Variants in TMEM106A observed in about 807,000 individuals in gnomAD.
TMEM106A encodes the protein transmembrane protein 106A.
TMEM106A carries 22 observed loss-of-function variants against 25.1 expected under a neutral mutation model. The ratio of observed to expected loss-of-function variants is 0.88; its 90% CI spans 0.63 to 1.25. TMEM106A has a LOEUF of 1.25. TMEM106A is among the 50% of genes most tolerant of loss of function. The pLI is 0.00. For missense variants in TMEM106A, 275 were observed against 318.1 expected (o/e 0.86, Z 1.03); for synonymous variants, 104 against 129.9 (o/e 0.80, Z 1.35).
chr17:43,213,236 T>C lies in TMEM106A; in HGVS notation c.195T>C (p.Ser65=). The change falls in exon 3 of 9, where the codon AGT becomes AGC. Residue 65 remains serine (S), a synonymous_variant. Coordinates refer to ENST00000612339, the MANE Select transcript of TMEM106A (RefSeq NM_145041.4). The part of the protein sequence containing the change: ...SFVTCPTCQG[S]GKIPQELEKQ... ...TGACTTGTCCCACCTGCCAGGGCAG[T>C]GGCAAGATTCCCCAAGGTGAGTGGC... 1.2e-6 allele frequency: 2 copies of C among 1,614,150 alleles called. No homozygotes were observed. Among genetic ancestry groups the C allele is most frequent in the Non-Finnish European group, 1.7e-6 (2 of 1,180,020 alleles).
At position 43,216,586 on chromosome 17, in the gene TMEM106A, A is replaced by G; in HGVS notation, c.567A>G (p.Glu189=). 1 of 1,614,178 alleles carries G rather than the reference A, an allele frequency of 6.2e-7. No homozygotes were observed. The change falls in exon 6 of 9, where the codon GAA becomes GAG. Residue 189 remains glutamate, a synonymous_variant. Coordinates refer to ENST00000612339, the MANE Select transcript of TMEM106A (RefSeq NM_145041.4). ...LLLHIGPLAS[E]QMFYAVATKI... is the part of the protein sequence containing the mutation. ...TACACATTGGCCCTTTGGCCAGTGA[A>G]CAGGTGACTCCCCTCTCCCTGGCCA...
At chr17:43,214,959 GAA>G (rs538770111) in intron 4 of TMEM106A, among the ~76,000 whole-genome samples, 1 of 73,878 alleles carries the variant, frequency 1.4e-5, no homozygotes, top group Non-Finnish European at 2.6e-5. Flanking sequence ...GGCCTCATCT[GAA>G]AAAAAAAAAA....
In TMEM106A at chr17:43,213,236, T is replaced by G. The variant is rs1239034133; in HGVS notation, c.195T>G (p.Ser65Arg). 1 of 1,614,150 alleles carries G rather than the reference T, an allele frequency of 6.2e-7. No homozygotes were observed. The highest frequency in any genetic ancestry group is 1.7e-5 in the Admixed American group (1 of 60,018). ...TGACTTGTCCCACCTGCCAGGGCAGTGGCAAGATTCCCCAAGGTGAGTGGC... is the reference window on the plus strand; with the variant it reads ...TGACTTGTCCCACCTGCCAGGGCAGGGGCAAGATTCCCCAAGGTGAGTGGC... ...SFVTCPTCQG[S>R]GKIPQELEKQ... is the part of the protein sequence containing the mutation. The change falls in exon 3 of 9, where the codon AGT becomes AGG. Residue 65 changes from serine (S) to arginine (R), a missense_variant. Transcript: ENST00000612339.
In TMEM106A at chr17:43,217,703, C is replaced by G; in HGVS notation, c.691C>G (p.Leu231Val). Reference protein sequence around the residue: ...HIQGTLTCSYLSHSEQLVFQS... With the variant: ...HIQGTLTCSYVSHSEQLVFQS... ...CAGGGGCACCCTGACCTGTTCATAC[C>G]TGAGCCATTCAGAGCAGCTGGTCTT... Residue 231 changes from leucine to valine, a missense_variant, in exon 9 of 9, where the codon CTG becomes GTG. Leu to Val is a conservative substitution (Grantham distance 32). Transcript: ENST00000612339. 6.2e-7 allele frequency: 1 copy of G among 1,614,212 alleles called. No homozygotes were observed.
In TMEM106A at chr17:43,211,907, C is replaced by G. The variant is rs1284184403; in HGVS notation, c.-205C>G. 1 of 152,318 alleles carries G rather than the reference C, an allele frequency of 6.6e-6. No homozygotes were observed. The highest frequency in any genetic ancestry group is 2.4e-5 in the African/African-American group (1 of 41,446). 9.4% of individuals were successfully genotyped at this position (152,318 alleles called of 1,614,324 possible). ...ATTCCACTCTCTTCCGTTTCTGTCG[C>G]TGCAGTCGTCCGCGGGTAAGGCCCT... On this transcript the variant is annotated 5_prime_UTR_variant, in exon 1 of 9. Coordinates refer to ENST00000612339, the MANE Select transcript of TMEM106A (RefSeq NM_145041.4).
chr17:43,213,915 C>G (rs369690629), intron 4 of TMEM106A, 24 bp downstream of exon 4: 21 of 1,613,258 alleles, frequency 1.3e-5, no homozygotes, highest in Non-Finnish European at 1.7e-5. Context: ...CCTCCCCTAG[C>G]TTCACAAGCC....
rs1423127812 is a variant in TMEM106A at position 43,219,338 on chromosome 17, C to CT, written c.*1538dup. 6.6e-6 allele frequency: 1 copy of CT among 152,160 alleles called. No individual in the cohort carries two copies. The highest frequency in any genetic ancestry group is 1.5e-5 in the Non-Finnish European group (1 of 68,034). 9.4% of individuals were successfully genotyped at this position (152,160 alleles called of 1,614,324 possible). A position where few individuals can be genotyped will look rare whatever the true frequency, so the allele number is the denominator to read the frequency against. Reference sequence around the variant, plus strand: ...AGACCCTCCCTTTCCTGTCACTTAGCTGGAGCTAAGCTCCAGATAACCCCT... The same window carrying CT: ...AGACCCTCCCTTTCCTGTCACTTAGCTTGGAGCTAAGCTCCAGATAACCCCT... On this transcript the variant is annotated 3_prime_UTR_variant, in exon 9 of 9. Coordinates refer to ENST00000612339, the MANE Select transcript of TMEM106A (RefSeq NM_145041.4).
At chr17:43,213,401 C>G (rs2057455187) in intron 3 of TMEM106A, 149 bp downstream of exon 3, 4 of 800,652 alleles carry the variant, frequency 5.0e-6, no homozygotes, top group Non-Finnish European at 7.9e-6. Context: ...CAGGGAGATA[C>G]TTAACTATCC....
At position 43,218,004 on chromosome 17, in the gene TMEM106A, C is replaced by T. The variant is rs1457964441; in HGVS notation, c.*203C>T. 1 of 701,536 alleles carries T rather than the reference C, an allele frequency of 1.4e-6. No homozygotes were observed. The highest frequency in any genetic ancestry group is 1.8e-5 in the African/African-American group (1 of 54,960). 43.5% of individuals were successfully genotyped at this position (701,536 alleles called of 1,614,324 possible). A position where few individuals can be genotyped will look rare whatever the true frequency, so the allele number is the denominator to read the frequency against. ...ACACACTCATATCCTCCAGTTTCCC[C>T]CAGATTCTTTCAGGGGCTGCCATCA... On this transcript the variant is annotated 3_prime_UTR_variant, in exon 9 of 9. Transcript: ENST00000612339.
At chr17:43,217,335 G>A (rs1282437488) in intron 8 of TMEM106A, 23 bp downstream of exon 8, 1 of 1,612,418 alleles carries the variant, frequency 6.2e-7, no homozygotes, top group South Asian at 1.1e-5. Context: ...TGGAGCTCTG[G>A]TATCCCTGCT....
At chr17:43,217,174 G>A in intron 7 of TMEM106A, 85 bp from the exon 8 acceptor site, 1 of 1,411,144 alleles carries the variant, frequency 7.1e-7, no homozygotes, top group Admixed American at 1.7e-5. Context: ...GTGGGGTAAG[G>A]AAACTGGGAC....
At chr17:43,217,397 T>C in intron 8 of TMEM106A, 85 bp downstream of exon 8, 1 of 1,508,768 alleles carries the variant, frequency 6.6e-7, no homozygotes, top group Non-Finnish European at 9.2e-7. Context: ...CAGAGAGTCT[T>C]CCAAGCTGAC....
chr17:43,216,405 G>T, intron 5 of TMEM106A, 44 bp from the exon 6 acceptor site: 3 of 1,604,774 alleles, frequency 1.9e-6, no homozygotes, highest in African/African-American at 1.3e-5. Flanking sequence ...TTTTCCTAAG[G>T]ATGGGCCATC....
In TMEM106A at chr17:43,219,464, T is replaced by C. The variant is rs1279335407; in HGVS notation, c.*1663T>C. ...GGCTTGGTCTTACAGCTGGGTGCAGTGGTATATACCTGTAGTCCCAGCTAC... is the reference window on the plus strand; with the variant it reads ...GGCTTGGTCTTACAGCTGGGTGCAGCGGTATATACCTGTAGTCCCAGCTAC... On this transcript the variant is annotated 3_prime_UTR_variant, in exon 9 of 9. Coordinates refer to ENST00000612339, the MANE Select transcript of TMEM106A (RefSeq NM_145041.4). 6.6e-6 allele frequency: 1 copy of C among 151,766 alleles called. No homozygotes were observed. 9.4% of individuals were successfully genotyped at this position (151,766 alleles called of 1,614,324 possible).
intron 8 of TMEM106A, 126 bp from the exon 9 acceptor site, chr17:43,217,555 C>A: frequency 2.6e-6 from 4 of 1,511,696 alleles, no homozygotes; most frequent in Non-Finnish European, 2.7e-6. Context: ...GGTACCTTGG[C>A]AGAGTGGGGA....
intron 7 of TMEM106A, 52 bp downstream of exon 7, chr17:43,216,792 C>T: frequency 1.2e-6 from 2 of 1,605,304 alleles, no homozygotes; most frequent in Non-Finnish European, 1.7e-6. Flanking sequence ...GCTTAGGGAC[C>T]CAATTAATAC....
intron 4 of TMEM106A, 61 bp downstream of exon 4, chr17:43,213,952 T>A (rs371885624): frequency 1.3e-6 from 2 of 1,557,432 alleles, no homozygotes; most frequent in African/African-American, 2.7e-5. Flanking sequence ...GCTCCCTTTG[T>A]CTCCCCTGTT....
At chr17:43,214,085 T>C (rs1197038830) in intron 4 of TMEM106A, 194 bp downstream of exon 4, 3 of 567,440 alleles carry the variant, frequency 5.3e-6, no homozygotes, top group Non-Finnish European at 9.2e-6. Context: ...GTGTGGTGGC[T>C]CATGCCTGTA....
In TMEM106A at chr17:43,219,783, G is replaced by A. The variant is rs1327716561; in HGVS notation, c.*1982G>A. 3 of 149,906 alleles carry A rather than the reference G, an allele frequency of 2.0e-5. No individual in the cohort carries two copies. The highest frequency in any genetic ancestry group is 6.7e-5 in the Admixed American group (1 of 15,008). The allele number at this position is 149,906 out of a possible 1,614,324, so 9.3% of individuals were successfully genotyped here. On this transcript the variant is annotated 3_prime_UTR_variant, in exon 9 of 9. Coordinates refer to ENST00000612339, the MANE Select transcript of TMEM106A (RefSeq NM_145041.4). ...TGTCTCTTTATCATTCAGACAGAAC[G>A]ATGAACACAGGTGAGCAGGGAAAGC...
Sources: allele counts gnomAD v4.1 joint callset (sites outside exome capture counted in the v4.1 genomes callset), GRCh38; gene constraint gnomAD v4.1.1; transcripts MANE v1.5; gene names NCBI Gene and HGNC (gene_info 2026-07-23, HGNC 2026-07-21).